SMKR1: variants seen among roughly 807,000 people sequenced by gnomAD.
The protein encoded by SMKR1 is small lysine rich protein 1.
SMKR1 carries 4 observed loss-of-function variants against 4.0 expected under a neutral mutation model. The ratio of observed to expected loss-of-function variants is 1.00; its 90% CI spans 0.49 to 2.30. The LOEUF (loss-of-function observed/expected upper bound fraction) is 2.30, where lower values mean the gene tolerates loss of function less well. Among genes scored for constraint, SMKR1 ranks in the 30% most tolerant of loss-of-function variants. SMKR1 has a pLI of 0.02. For synonymous variants in SMKR1, 38 were observed against 32.5 expected, an observed-to-expected ratio of 1.17 and a Z score of -0.58; for missense variants, 56 against 81.8, an observed-to-expected ratio of 0.68 and a Z score of 1.22.
rs1434342799 is a variant in SMKR1 at position 129,512,355 on chromosome 7, A to G, written c.112A>G (p.Ile38Val). 9.8e-6 allele frequency: 15 copies of G among 1,535,992 alleles called. No homozygotes were observed. Among genetic ancestry groups the G allele is most frequent in the African/African-American group, 4.1e-5 (3 of 73,046 alleles). Residue 38 changes from isoleucine (I) to valine (V), a missense_variant, in exon 2 of 2, where the codon ATC becomes GTC. Ile to Val is a conservative substitution (Grantham distance 29). Coordinates refer to ENST00000462322, the MANE Select transcript of SMKR1 (RefSeq NM_001195243.2). ...SPAAMLNLYY[I>V]AHNVADCLHL... is the part of the protein sequence containing the mutation. ...CGCGGCCATGCTGAACCTCTACTAC[A>G]TCGCCCACAACGTCGCTGACTGCCT...
At chr7:129,506,909 G>C (rs1454011873) in intron 1 of SMKR1, among the ~76,000 whole-genome samples, 1 of 148,140 alleles carries the variant, frequency 6.8e-6, no homozygotes, top group Admixed American at 6.8e-5. Context: ...ACCCAGGCTG[G>C]AATGCAGCAA....
At position 129,507,774 on chromosome 7, in the gene SMKR1, G is replaced by A. The variant is rs1342846765; in HGVS notation, c.4-4473G>A. On this transcript the variant is annotated intron_variant, in intron 1 of 1. Coordinates refer to ENST00000462322, the MANE Select transcript of SMKR1 (RefSeq NM_001195243.2). ...CATTGCATTTCACTAATGACTTAAT[G>A]TTGAGTATCTTTTCATGTGCTTATT... 2.6e-5 allele frequency among the ~76,000 whole-genome samples: 4 copies of A among 152,170 alleles called. No homozygotes were observed. In the East Asian group the frequency reaches 7.7e-4, roughly 29 times the overall value.
chr7:129,506,211 G>A (rs1272803052), intron 1 of SMKR1, among the ~76,000 whole-genome samples: 2 of 152,164 alleles, frequency 1.3e-5, no homozygotes, highest in African/African-American at 4.8e-5. Flanking sequence ...AGGCTGAGGC[G>A]AGAGGATAGC....
chr7:129,502,691 G>C lies in SMKR1; in HGVS notation c.-134G>C. The C allele has an allele frequency of 7.3e-7, 1 of 1,361,478 alleles. No homozygotes were observed. Among genetic ancestry groups the C allele is most frequent in the South Asian group, 1.3e-5 (1 of 79,114 alleles). 84.3% of individuals were successfully genotyped at this position (1,361,478 alleles called of 1,614,324 possible). ...GGCGTAGTGAGGCTGGGCCCGTGGC[G>C]GTTCCCTGAGGAGGGCCGAGAAGGG... On this transcript the variant is annotated 5_prime_UTR_variant, in exon 1 of 2. Transcript: ENST00000462322.
intron 1 of SMKR1, 76 bp downstream of exon 1, chr7:129,502,903 G>T: frequency 6.5e-7 from 1 of 1,527,318 alleles, no homozygotes; most frequent in Non-Finnish European, 8.8e-7. Context: ...GAGAGGCGCG[G>T]GCGCCGAGGT....
chr7:129,502,804 C>A lies in SMKR1; in HGVS notation c.-21C>A, dbSNP rs1207339201. 6.5e-7 allele frequency: 1 copy of A among 1,535,112 alleles called. No homozygotes were observed. Among genetic ancestry groups the A allele is most frequent in the Non-Finnish European group, 8.7e-7 (1 of 1,146,586 alleles). On this transcript the variant is annotated 5_prime_UTR_variant, in exon 1 of 2. Transcript: ENST00000462322. ...GGATCGGGAGAGTCCACCACGCCTG[C>A]CTGCTCGGCTGAGAATCGCCATGGT...
At chr7:129,508,591 G>A (rs1320433275) in intron 1 of SMKR1, among the ~76,000 whole-genome samples, 1 of 151,996 alleles carries the variant, frequency 6.6e-6, no homozygotes, top group East Asian at 1.9e-4. Flanking sequence ...ACTGGTGCCC[G>A]CCACCACACT....
At position 129,504,621 on chromosome 7, in the gene SMKR1, A is replaced by C. The variant is rs181034221; in HGVS notation, c.3+1794A>C. Reference sequence around the variant, plus strand: ...AGGCTGGAGTGCGATGGCATCATACATAGCTCACTTTGGCCTTGAATTCCT... The same window carrying C: ...AGGCTGGAGTGCGATGGCATCATACCTAGCTCACTTTGGCCTTGAATTCCT... On this transcript the variant is annotated intron_variant, in intron 1 of 1. Coordinates refer to ENST00000462322, the MANE Select transcript of SMKR1 (RefSeq NM_001195243.2). Among the ~76,000 whole-genome samples, 228 of 151,920 alleles carry C rather than the reference A, an allele frequency of 1.5e-3. 1 individual carries two copies. The highest frequency in any genetic ancestry group is 5.2e-3 in the African/African-American group (217 of 41,432).
At chr7:129,503,018 G>A (rs1375808182) in intron 1 of SMKR1, among the ~76,000 whole-genome samples, 191 bp downstream of exon 1, 2 of 151,570 alleles carry the variant, frequency 1.3e-5, no homozygotes, top group Non-Finnish European at 2.9e-5. Flanking sequence ...CGCGGAGTCA[G>A]GCCAGCCGTC....
chr7:129,512,131 C>A, intron 1 of SMKR1, 116 bp from the exon 2 acceptor site: 1 of 1,039,558 alleles, frequency 9.6e-7, no homozygotes, highest in Non-Finnish European at 1.3e-6. Flanking sequence ...TTGTAGTGAG[C>A]CAAGAGCATG....
intron 1 of SMKR1, among the ~76,000 whole-genome samples, chr7:129,508,182 A>G (rs1799489112): frequency 6.6e-6 from 1 of 152,188 alleles, no homozygotes. Flanking sequence ...ATTTTTATAT[A>G]TGGTGAGACT....
chr7:129,511,329 A>AT (rs1799524553), intron 1 of SMKR1, among the ~76,000 whole-genome samples: 1 of 152,138 alleles, frequency 6.6e-6, no homozygotes, highest in South Asian at 2.1e-4. Flanking sequence ...AATAATTAGG[A>AT]TTTTGCCACA....
chr7:129,512,874 C>CTT lies in SMKR1; in HGVS notation c.*444_*445dup, dbSNP rs11463371. The CTT allele has an allele frequency of 7.0e-5, 10 of 143,844 alleles. 2 individuals are homozygous for CTT. Among genetic ancestry groups the CTT allele is most frequent in the Admixed American group, 5.6e-4 (8 of 14,294 alleles). The allele number at this position is 143,844 out of a possible 1,614,324, so 8.9% of individuals were successfully genotyped here. A position where few individuals can be genotyped will look rare whatever the true frequency, so the allele number is the denominator to read the frequency against. On this transcript the variant is annotated 3_prime_UTR_variant, in exon 2 of 2. Coordinates refer to ENST00000462322, the MANE Select transcript of SMKR1 (RefSeq NM_001195243.2). The stretch of plus-strand genomic sequence containing the variant: ...ACATTCCTCTCTTGGGCACCATTTC[C>CTT]TTTTTTTTTTTTAATGGAAAATAAT...
rs568175823 is a variant in SMKR1, at chr7:129,510,688, A to G, written c.4-1559A>G. On this transcript the variant is annotated intron_variant, in intron 1 of 1. Transcript: ENST00000462322. The stretch of plus-strand genomic sequence containing the variant: ...GGTTACAGTAAGCTGAGTTTGTGCC[A>G]CTGCACTCCAGCCTGGGTGACACAG... Among the ~76,000 whole-genome samples the G allele has an allele frequency of 8.6e-4, 131 of 152,294 alleles. 2 individuals are homozygous for G. The South Asian group carries it at 0.025, about 29-fold the overall frequency.
At chr7:129,504,561 T>TGG (rs1397075106) in intron 1 of SMKR1, among the ~76,000 whole-genome samples, 1 of 145,334 alleles carries the variant, frequency 6.9e-6, no homozygotes, top group Non-Finnish European at 1.5e-5. Context: ...TTTTTGTTTT[T>TGG]TTTTTTTTAG....
At chr7:129,510,312 A>G (rs1799512743) in intron 1 of SMKR1, among the ~76,000 whole-genome samples, 1 of 152,222 alleles carries the variant, frequency 6.6e-6, no homozygotes, top group Admixed American at 6.5e-5. Flanking sequence ...TCATGGAAAG[A>G]GAATAGACAC....
intron 1 of SMKR1, among the ~76,000 whole-genome samples, chr7:129,508,149 T>C (rs888888052): frequency 3.9e-5 from 6 of 152,238 alleles, no homozygotes; most frequent in Non-Finnish European, 4.4e-5. Flanking sequence ...TTTATATTTA[T>C]TTCTATTATC....
rs138123334 is a variant in SMKR1, at chr7:129,511,760, G to A, written c.4-487G>A. Among the ~76,000 whole-genome samples the A allele has an allele frequency of 8.6e-3, 1,307 of 152,268 alleles. 18 individuals are homozygous for A. Among genetic ancestry groups the A allele is most frequent in the African/African-American group, 0.03 (1,251 of 41,548 alleles). ...CATTAATTGTTTTCGTTTGCCAAAG[G>A]GGGTTTGTCATTTAGAGAAGACAGG... On this transcript the variant is annotated intron_variant, in intron 1 of 1. Coordinates refer to ENST00000462322, the MANE Select transcript of SMKR1 (RefSeq NM_001195243.2).
At chr7:129,507,132 C>T (rs918567853) in intron 1 of SMKR1, among the ~76,000 whole-genome samples, 3 of 151,990 alleles carry the variant, frequency 2.0e-5, no homozygotes, top group Non-Finnish European at 4.4e-5. Context: ...TCTCCTGCCT[C>T]AGCCTCCCTA....
Sources: gnomAD v4.1 joint callset for allele counts (sites outside exome capture counted in the v4.1 genomes callset) on GRCh38, gnomAD v4.1.1 for gene constraint, MANE v1.5 for transcripts, NCBI Gene and HGNC (gene_info 2026-07-23, HGNC 2026-07-21) for gene names.